Variants in FXR1 observed in about 807,000 individuals in gnomAD.
FXR1 encodes FMR1 autosomal homolog 1.
Under a neutral mutation model 84.0 loss-of-function variants are expected in FXR1, and 15 were observed. That is an observed-to-expected ratio of 0.18 (90% CI 0.12 to 0.27). The LOEUF (loss-of-function observed/expected upper bound fraction) is 0.27. Among genes scored for constraint, FXR1 ranks in the 10% least tolerant of loss-of-function variants. The probability of loss-of-function intolerance (pLI) is 1.00; values close to 1 mark genes in which losing one functional copy is unlikely to be tolerated. For missense variants in FXR1, 480 were observed against 774.4 expected (o/e 0.62, Z 4.51); for synonymous variants, 245 against 250.7 (o/e 0.98, Z 0.21).
chr3:180,951,482 C>A lies in FXR1; in HGVS notation c.801+14C>A, dbSNP rs1722224981. 1 of 1,585,342 alleles carries A rather than the reference C, an allele frequency of 6.3e-7. No individual in the cohort carries two copies. Among genetic ancestry groups the A allele is most frequent in the South Asian group, 1.1e-5 (1 of 88,432 alleles). On this transcript the variant is annotated intron_variant, in intron 8 of 16. Coordinates refer to ENST00000357559, the MANE Select transcript of FXR1 (RefSeq NM_005087.4). ...ATCTACGGAGAGGTAAGTTCTCTTT[C>A]TCCTGCCTTGGCCTTTAGTGTATTA...
Position 180,949,213 on chromosome 3 carries a change from T to G in FXR1, c.514-14T>G, listed in dbSNP as rs768054374. 2.3e-6 allele frequency: 3 copies of G among 1,288,696 alleles called. No homozygotes were observed. Among genetic ancestry groups the G allele is most frequent in the Non-Finnish European group, 3.4e-6 (3 of 882,600 alleles). 79.8% of individuals were successfully genotyped at this position (1,288,696 alleles called of 1,614,324 possible). On this transcript the variant is annotated splice_polypyrimidine_tract_variant and intron_variant, in intron 6 of 16. Coordinates refer to ENST00000357559, the MANE Select transcript of FXR1 (RefSeq NM_005087.4). Reference sequence around the variant, plus strand: ...ATGATTAAAGTTTTGAGTAATTAGCTTGTTTGTTTATAGTCTGCCAGTGAA... The same window carrying G: ...ATGATTAAAGTTTTGAGTAATTAGCGTGTTTGTTTATAGTCTGCCAGTGAA...
intron 1 of FXR1, among the ~76,000 whole-genome samples, chr3:180,916,595 A>G (rs549526804): frequency 2.0e-5 from 3 of 152,120 alleles, no homozygotes; most frequent in Non-Finnish European, 4.4e-5. Flanking sequence ...TTTAGTAGAG[A>G]CGGGGTTTTA....
intron 3 of FXR1, among the ~76,000 whole-genome samples, chr3:180,937,547 A>G (rs1464918272): frequency 6.6e-6 from 1 of 152,164 alleles, no homozygotes; most frequent in Non-Finnish European, 1.5e-5. Flanking sequence ...TTTATGATTC[A>G]GCTCTGGTCA....
intron 7 of FXR1, among the ~76,000 whole-genome samples, chr3:180,950,513 T>C (rs1417260769): frequency 6.6e-6 from 1 of 152,194 alleles, no homozygotes; most frequent in Non-Finnish European, 1.5e-5. Context: ...AAAGTACATA[T>C]GAAACTTAGC....
At position 180,980,542 on chromosome 3, in the gene FXR1, T is replaced by C. The variant is rs1714561345; in HGVS notation, c.*4250T>C. ...CAATTTATACTTAATTGTTGCTTGG[T>C]TGCTTACATTTCAACCTCTAGGCTT... is the stretch of plus-strand genomic sequence containing the variant. On this transcript the variant is annotated 3_prime_UTR_variant, in exon 17 of 17. Coordinates refer to ENST00000357559, the MANE Select transcript of FXR1 (RefSeq NM_005087.4). 6.6e-6 allele frequency: 1 copy of C among 152,032 alleles called. No homozygotes were observed. The allele number at this position is 152,032 out of a possible 1,614,324, so 9.4% of individuals were successfully genotyped here.
At chr3:180,959,920 A>C (rs939200681) in intron 10 of FXR1, among the ~76,000 whole-genome samples, 1 of 152,170 alleles carries the variant, frequency 6.6e-6, no homozygotes, top group Admixed American at 6.5e-5. Context: ...ATATAGAACT[A>C]AAATGTCTTA....
At chr3:180,947,786 T>G in intron 3 of FXR1, 79 bp from the exon 4 acceptor site, 2 of 599,768 alleles carry the variant, frequency 3.3e-6, no homozygotes, top group Non-Finnish European at 5.8e-6. Flanking sequence ...TTTATTGGGA[T>G]TGGGTATTAA....
chr3:180,968,719 TTAAC>T (rs1284303574), intron 14 of FXR1, among the ~76,000 whole-genome samples: 1 of 152,184 alleles, frequency 6.6e-6, no homozygotes, highest in Non-Finnish European at 1.5e-5. Flanking sequence ...AATTGTGGAA[TTAAC>T]TAAGTTTTTT....
intron 2 of FXR1, 97 bp from the exon 3 acceptor site, chr3:180,935,041 G>T: frequency 1.7e-6 from 1 of 592,798 alleles, no homozygotes; most frequent in South Asian, 2.3e-5. Flanking sequence ...CTTCTCTTTA[G>T]GGAAAGCTAA....
Position 180,916,543 on chromosome 3 carries a change from G to A in FXR1, c.51+3807G>A, listed in dbSNP as rs893824473. On this transcript the variant is annotated intron_variant, in intron 1 of 16. Coordinates refer to ENST00000357559, the MANE Select transcript of FXR1 (RefSeq NM_005087.4). ...CTGCCTCAGCCTCCCAGGTAGCTGGGACAACAGGCATGTGCTAACATGGCC... is the reference window on the plus strand; with the variant it reads ...CTGCCTCAGCCTCCCAGGTAGCTGGAACAACAGGCATGTGCTAACATGGCC... 2.6e-5 allele frequency among the ~76,000 whole-genome samples: 4 copies of A among 151,816 alleles called. No individual in the cohort carries two copies. The East Asian group carries it at 5.9e-4, about 22-fold the overall frequency.
intron 9 of FXR1, among the ~76,000 whole-genome samples, chr3:180,955,121 A>C (rs1161706811): frequency 6.6e-6 from 1 of 151,684 alleles, no homozygotes; most frequent in African/African-American, 2.4e-5. Context: ...CAGCCTCCCA[A>C]GTAGCTGGGA....
intron 16 of FXR1, 149 bp from the exon 17 acceptor site, chr3:180,975,973 G>T (rs1056048517): frequency 4.4e-5 from 26 of 591,906 alleles, no homozygotes; most frequent in Non-Finnish European, 6.3e-5. Context: ...TATTTGTTTT[G>T]AATTTTAAAG....
chr3:180,969,623 G>A (rs902810314), intron 14 of FXR1, among the ~76,000 whole-genome samples: 14 of 152,050 alleles, frequency 9.2e-5, no homozygotes, highest in Admixed American at 9.2e-4. Context: ...AACTTGTCTT[G>A]ATTGCTTCAG....
At chr3:180,944,168 C>T (rs189381948) in intron 3 of FXR1, among the ~76,000 whole-genome samples, 1 of 152,230 alleles carries the variant, frequency 6.6e-6, no homozygotes, top group East Asian at 1.9e-4. Context: ...CCACCTCGGC[C>T]TCCCAAAGTG....
intron 3 of FXR1, among the ~76,000 whole-genome samples, chr3:180,935,994 C>T (rs778231253): frequency 6.6e-5 from 10 of 152,118 alleles, no homozygotes; most frequent in Non-Finnish European, 1.2e-4. Flanking sequence ...CAGGTTCAAG[C>T]GATTCACCTG....
chr3:180,936,660 C>T lies in FXR1; in HGVS notation c.198+1429C>T, dbSNP rs139663277. 3.2e-3 allele frequency among the ~76,000 whole-genome samples: 486 copies of T among 152,252 alleles called. 3 individuals carry two copies. Among genetic ancestry groups the T allele is most frequent in the Middle Eastern group, 0.014 (4 of 294 alleles). ...TTGCAGCACTTCAATCCCTGACAACCTTAACTTAGTGTACCCACTTTGGTG... is the reference window on the plus strand; with the variant it reads ...TTGCAGCACTTCAATCCCTGACAACTTTAACTTAGTGTACCCACTTTGGTG... On this transcript the variant is annotated intron_variant, in intron 3 of 16. Coordinates refer to ENST00000357559, the MANE Select transcript of FXR1 (RefSeq NM_005087.4).
intron 13 of FXR1, among the ~76,000 whole-genome samples, chr3:180,964,300 T>C (rs1222432643): frequency 1.3e-5 from 2 of 152,212 alleles, no homozygotes; most frequent in African/African-American, 2.4e-5. Context: ...TATATTCTCA[T>C]TGATTTTTGA....
chr3:180,953,364 C>A (rs954589591), intron 8 of FXR1, among the ~76,000 whole-genome samples: 3 of 152,086 alleles, frequency 2.0e-5, no homozygotes, highest in South Asian at 4.1e-4. Flanking sequence ...ATAAATAAAT[C>A]AGACAATTTT....
chr3:180,944,458 C>T (rs1283535111), intron 3 of FXR1, among the ~76,000 whole-genome samples: 1 of 150,578 alleles, frequency 6.6e-6, no homozygotes, highest in African/African-American at 2.4e-5. Context: ...GTAGCTGGGA[C>T]TAGAGGCATG....
Sources: allele counts gnomAD v4.1 joint callset (sites outside exome capture counted in the v4.1 genomes callset), GRCh38; gene constraint gnomAD v4.1.1; transcripts MANE v1.5; gene names NCBI Gene and HGNC (gene_info 2026-07-23, HGNC 2026-07-21).